The following TMEM117 variants were observed in gnomAD, a reference collection of about 807,000 sequenced individuals.
TMEM117 encodes the protein transmembrane protein 117.
In TMEM117, 27 loss-of-function variants were observed where a neutral mutation model predicts 52.4. That is an observed-to-expected ratio of 0.51 (90% CI 0.38 to 0.71). TMEM117 has a LOEUF of 0.71. TMEM117 is among the 30% of genes least tolerant of loss of function. TMEM117 has a pLI of 0.00. For missense variants in TMEM117, 556 were observed against 630.5 expected (o/e 0.88, Z 1.26); for synonymous variants, 215 against 206.3 (o/e 1.04, Z -0.36).
At chr12:44,090,288 T>C (rs183734788) in intron 3 of TMEM117, among the ~76,000 whole-genome samples, 1 of 152,236 alleles carries the variant, frequency 6.6e-6, no homozygotes, top group Non-Finnish European at 1.5e-5. Flanking sequence ...GTAGTAAACA[T>C]AGCCTCTGAT....
chr12:43,886,748 C>G (rs1264918633), intron 2 of TMEM117, among the ~76,000 whole-genome samples: 1 of 152,046 alleles, frequency 6.6e-6, no homozygotes, highest in Admixed American at 6.6e-5. Context: ...AAGCCTAGTA[C>G]CCATTAATTA....
intron 2 of TMEM117, among the ~76,000 whole-genome samples, chr12:43,928,597 A>T (rs1592370538): frequency 6.6e-6 from 1 of 151,768 alleles, no homozygotes; most frequent in South Asian, 2.1e-4. Flanking sequence ...TTATTTATTT[A>T]TTTTTTATTA....
At chr12:43,823,687 T>A in the TMEM117 span, among the ~76,000 whole-genome samples, 1 of 152,108 alleles carries the variant, frequency 6.6e-6, no homozygotes, top group Non-Finnish European at 1.5e-5. Context: ...CTAATTTTTG[T>A]ATTTTTAGTA....
rs532567425 is a variant in TMEM117 at position 44,213,281 on chromosome 12, A to G, written c.608+1894A>G. Among the ~76,000 whole-genome samples the G allele has an allele frequency of 5.3e-5, 8 of 152,312 alleles. No homozygotes were observed. The East Asian group carries it at 7.7e-4, about 15-fold the overall frequency. ...AGCCCTAGTTTGTAATTATTACACT[A>G]GGACTGCCTCTAGGAGAACAAAAGA... On this transcript the variant is annotated intron_variant, in intron 5 of 7. Coordinates refer to ENST00000266534, the MANE Select transcript of TMEM117 (RefSeq NM_032256.3).
chr12:43,968,564 G>T (rs1046229443), intron 3 of TMEM117, among the ~76,000 whole-genome samples: 1 of 152,156 alleles, frequency 6.6e-6, no homozygotes, highest in South Asian at 2.1e-4. Flanking sequence ...TCTGTGATTT[G>T]TTGTCTATAA....
intron 3 of TMEM117, among the ~76,000 whole-genome samples, chr12:44,103,223 A>G (rs1323652518): frequency 5.4e-5 from 8 of 149,444 alleles, no homozygotes; most frequent in Admixed American, 1.3e-4. Flanking sequence ...GCATAACTCC[A>G]TATCTTTTTT....
chr12:44,099,703 A>G (rs1947830118), intron 3 of TMEM117, among the ~76,000 whole-genome samples: 1 of 152,052 alleles, frequency 6.6e-6, no homozygotes, highest in East Asian at 1.9e-4. Context: ...TTCAAAGTCT[A>G]GAGTTTAGAA....
chr12:43,995,565 A>C (rs1181838858), intron 3 of TMEM117, among the ~76,000 whole-genome samples: 1 of 152,168 alleles, frequency 6.6e-6, no homozygotes, highest in African/African-American at 2.4e-5. Flanking sequence ...TTTGGGGAAC[A>C]GGTGGTGTTT....
chr12:44,360,753 G>A (rs1181525098), intron 6 of TMEM117, among the ~76,000 whole-genome samples: 1 of 152,060 alleles, frequency 6.6e-6, no homozygotes, highest in Non-Finnish European at 1.5e-5. Context: ...ATATGAATGA[G>A]GCATACAGCC....
At chr12:43,807,982 C>T in the TMEM117 span, among the ~76,000 whole-genome samples, 1 of 152,162 alleles carries the variant, frequency 6.6e-6, no homozygotes, top group Non-Finnish European at 1.5e-5. Context: ...TGAGTACCAA[C>T]ATCCTGTGTG....
intron 3 of TMEM117, among the ~76,000 whole-genome samples, chr12:44,115,251 T>C (rs547094879): frequency 1.3e-5 from 2 of 152,054 alleles, no homozygotes; most frequent in Non-Finnish European, 2.9e-5. Flanking sequence ...AGGTGGGAAT[T>C]GAACAATGAG....
chr12:43,918,695 T>TA (rs1944645303), intron 2 of TMEM117, among the ~76,000 whole-genome samples: 1 of 152,244 alleles, frequency 6.6e-6, no homozygotes, highest in African/African-American at 2.4e-5. Context: ...CCCTTAGCTC[T>TA]ATGCCTGCCT....
chr12:44,241,296 G>A (rs1012979032), intron 5 of TMEM117, among the ~76,000 whole-genome samples: 1 of 151,606 alleles, frequency 6.6e-6, no homozygotes, highest in Non-Finnish European at 1.5e-5. Context: ...CACATAAGAA[G>A]GGCTGACCAT....
chr12:44,027,718 A>G (rs1946564605), intron 3 of TMEM117, among the ~76,000 whole-genome samples: 1 of 152,182 alleles, frequency 6.6e-6, no homozygotes, highest in African/African-American at 2.4e-5. Context: ...GTAGAGGTTT[A>G]TATTCTAGGA....
At chr12:43,934,712 G>A (rs1052628559) in intron 2 of TMEM117, among the ~76,000 whole-genome samples, 4 of 152,010 alleles carry the variant, frequency 2.6e-5, no homozygotes, top group African/African-American at 9.7e-5. Flanking sequence ...GTGAATAGCC[G>A]ACATTTCTTG....
intron 3 of TMEM117, among the ~76,000 whole-genome samples, chr12:44,055,801 G>A (rs1455843093): frequency 6.6e-6 from 1 of 151,960 alleles, no homozygotes; most frequent in Non-Finnish European, 1.5e-5. Context: ...TATACGTCTT[G>A]CACCTACTTT....
In TMEM117 at chr12:43,912,534, T is replaced by TATATATATATATATATAA. The variant is rs1239034268; in HGVS notation, c.278-31674_278-31673insATATATATATATATAAAT. ...ATATATATATATATATATATATATA[T>TATATATATATATATATAA]ATGGCAGAATGAAAGCTCCATGTGG... On this transcript the variant is annotated intron_variant, in intron 2 of 7. Coordinates refer to ENST00000266534, the MANE Select transcript of TMEM117 (RefSeq NM_032256.3). Among the ~76,000 whole-genome samples the TATATATATATATATATAA allele has an allele frequency of 2.6e-4, 34 of 130,062 alleles. 1 individual carries two copies. The highest frequency in any genetic ancestry group is 8.9e-4 in the African/African-American group (31 of 34,864). 85.3% of individuals were successfully genotyped at this position (130,062 alleles called of 152,430 possible).
At chr12:44,011,309 G>A (rs988776661) in intron 3 of TMEM117, among the ~76,000 whole-genome samples, 2 of 152,108 alleles carry the variant, frequency 1.3e-5, no homozygotes, top group African/African-American at 4.8e-5. Flanking sequence ...GTTATGGTTT[G>A]GCTGTGTCCC....
chr12:44,063,139 T>C (rs1947166055), intron 3 of TMEM117, among the ~76,000 whole-genome samples: 1 of 152,172 alleles, frequency 6.6e-6, no homozygotes, highest in Non-Finnish European at 1.5e-5. Context: ...ACACCAAGAC[T>C]GAAAATCCTA....
Sources: gnomAD v4.1 joint callset for allele counts (sites outside exome capture counted in the v4.1 genomes callset) on GRCh38, gnomAD v4.1.1 for gene constraint, MANE v1.5 for transcripts, NCBI Gene and HGNC (gene_info 2026-07-23, HGNC 2026-07-21) for gene names.